Variants in MTUS2 observed in about 807,000 individuals in gnomAD.
The protein encoded by MTUS2 is microtubule associated scaffold protein 2.
MTUS2 carries 40 observed loss-of-function variants against 114.1 expected under a neutral mutation model. The observed-to-expected ratio is 0.35, with a 90% CI of 0.27 to 0.46. MTUS2 has a LOEUF of 0.46. Among genes scored for constraint, MTUS2 ranks in the 20% least tolerant of loss-of-function variants. MTUS2 has a pLI of 1.00. For missense variants in MTUS2, 1,679 were observed against 1,705.4 expected (o/e 0.98, Z 0.27); for synonymous variants, 688 against 672.0 (o/e 1.02, Z -0.37).
chr13:28,918,927 A>G (rs1342692231), intron 2 of MTUS2, among the ~76,000 whole-genome samples: 1 of 152,132 alleles, frequency 6.6e-6, no homozygotes, highest in African/African-American at 2.4e-5. Context: ...CACTGATTGC[A>G]TAAACAAACA....
chr13:29,477,781 A>C (rs1280919873), intron 9 of MTUS2, among the ~76,000 whole-genome samples: 1 of 152,072 alleles, frequency 6.6e-6, no homozygotes, highest in African/African-American at 2.4e-5. Flanking sequence ...AATTATATAT[A>C]TATATAATTG....
chr13:29,294,157 A>G (rs1021875723), intron 6 of MTUS2, among the ~76,000 whole-genome samples: 13 of 152,158 alleles, frequency 8.5e-5, no homozygotes, highest in African/African-American at 3.1e-4. Context: ...TCAAAGCCTC[A>G]CAGTTTATCA....
At chr13:28,870,760 G>A (rs1296430897) in intron 2 of MTUS2, among the ~76,000 whole-genome samples, 1 of 152,114 alleles carries the variant, frequency 6.6e-6, no homozygotes, top group Non-Finnish European at 1.5e-5. Flanking sequence ...AAAGTCACTG[G>A]ACTTGTTGAT....
intron 5 of MTUS2, among the ~76,000 whole-genome samples, chr13:29,231,914 A>G (rs1896339403): frequency 6.6e-6 from 1 of 152,214 alleles, no homozygotes; most frequent in African/African-American, 2.4e-5. Flanking sequence ...TCACATTTTT[A>G]TGGCACATTC....
At chr13:29,312,178 A>G (rs1365873010) in intron 6 of MTUS2, among the ~76,000 whole-genome samples, 3 of 152,170 alleles carry the variant, frequency 2.0e-5, no homozygotes, top group East Asian at 1.9e-4. Context: ...TCCCAGAGAG[A>G]AATCTTTGCC....
intron 5 of MTUS2, among the ~76,000 whole-genome samples, chr13:29,134,215 T>A (rs1891879766): frequency 1.3e-5 from 2 of 152,230 alleles, no homozygotes; most frequent in African/African-American, 4.8e-5. Context: ...TGTTACTGAT[T>A]TCTAATGTCG....
intron 9 of MTUS2, among the ~76,000 whole-genome samples, chr13:29,459,738 A>T (rs929198027): frequency 1.3e-5 from 2 of 152,148 alleles, no homozygotes; most frequent in Admixed American, 6.5e-5. Context: ...TGATAAAGAG[A>T]TCCTTCTGTG....
At chr13:29,081,847 C>G (rs529108943) in intron 4 of MTUS2, among the ~76,000 whole-genome samples, 1 of 152,092 alleles carries the variant, frequency 6.6e-6, no homozygotes, top group South Asian at 2.1e-4. Context: ...TTGTTGTGGT[C>G]TTTGACTAGA....
intron 8 of MTUS2, among the ~76,000 whole-genome samples, chr13:29,392,626 A>T (rs888305379): frequency 1.3e-5 from 2 of 152,220 alleles, no homozygotes; most frequent in Non-Finnish European, 2.9e-5. Flanking sequence ...TAAGATAGTG[A>T]TGTTTTTAAA....
At chr13:29,069,176 T>G (rs1482652277) in intron 4 of MTUS2, among the ~76,000 whole-genome samples, 1 of 152,162 alleles carries the variant, frequency 6.6e-6, no homozygotes, top group African/African-American at 2.4e-5. Flanking sequence ...AGAGATTTAA[T>G]GTAAAATATT....
At chr13:28,864,893 T>C (rs970789141) in intron 2 of MTUS2, among the ~76,000 whole-genome samples, 1 of 152,168 alleles carries the variant, frequency 6.6e-6, no homozygotes, top group African/African-American at 2.4e-5. Flanking sequence ...TAATATTTGA[T>C]TTTGCTCCCA....
At chr13:29,158,933 C>G (rs1478815260) in intron 5 of MTUS2, among the ~76,000 whole-genome samples, 1 of 152,144 alleles carries the variant, frequency 6.6e-6, no homozygotes, top group African/African-American at 2.4e-5. Context: ...CAGCAGAGCC[C>G]AGGAACGGGA....
rs570190022 is a variant in MTUS2, at chr13:29,060,877, T to G, written c.2446+26752T>G. ...GTGCAGTGATGTGATCTCGGCTCACTGCAAGCTCCGCTTCCTGGGTTCAGG... is the reference window on the plus strand; with the variant it reads ...GTGCAGTGATGTGATCTCGGCTCACGGCAAGCTCCGCTTCCTGGGTTCAGG... On this transcript the variant is annotated intron_variant, in intron 4 of 15. Transcript: ENST00000612955. Among the ~76,000 whole-genome samples the G allele has an allele frequency of 1.1e-3, 167 of 148,716 alleles. 1 individual carries two copies. Among genetic ancestry groups the G allele is most frequent in the African/African-American group, 4.0e-3 (161 of 40,458 alleles).
intron 5 of MTUS2, among the ~76,000 whole-genome samples, chr13:29,110,557 G>A (rs1890842811): frequency 6.6e-6 from 1 of 152,018 alleles, no homozygotes; most frequent in African/African-American, 2.4e-5. Flanking sequence ...GAAAAAAAAT[G>A]GAATCATTTT....
intron 5 of MTUS2, among the ~76,000 whole-genome samples, chr13:29,121,510 G>A (rs905841049): frequency 2.0e-5 from 3 of 152,080 alleles, no homozygotes; most frequent in Non-Finnish European, 4.4e-5. Context: ...GATAGATATG[G>A]GGAATTTTAA....
intron 6 of MTUS2, among the ~76,000 whole-genome samples, chr13:29,321,369 G>A (rs1396004106): frequency 6.6e-6 from 1 of 152,216 alleles, no homozygotes; most frequent in African/African-American, 2.4e-5. Context: ...CTCATTGAGT[G>A]AAACGAAAGC....
intron 8 of MTUS2, among the ~76,000 whole-genome samples, chr13:29,410,517 A>T (rs1350960420): frequency 1.3e-5 from 2 of 152,154 alleles, no homozygotes; most frequent in African/African-American, 4.8e-5. Context: ...ACTTAGAACA[A>T]TTTTTATATG....
intron 2 of MTUS2, among the ~76,000 whole-genome samples, chr13:28,891,085 T>G (rs147112943): frequency 6.6e-6 from 1 of 152,364 alleles, no homozygotes; most frequent in East Asian, 1.9e-4. Flanking sequence ...CTTGCTTGTA[T>G]AAGTCAGCCC....
At chr13:28,993,317 C>T (rs1593363839) in intron 2 of MTUS2, among the ~76,000 whole-genome samples, 1 of 152,154 alleles carries the variant, frequency 6.6e-6, no homozygotes, top group East Asian at 1.9e-4. Flanking sequence ...AATTGCCGTA[C>T]TGTTTTCTCT....
Sources: allele counts gnomAD v4.1 joint callset (sites outside exome capture counted in the v4.1 genomes callset), GRCh38; gene constraint gnomAD v4.1.1; transcripts MANE v1.5; gene names NCBI Gene and HGNC (gene_info 2026-07-23, HGNC 2026-07-21).